PNPLA8: variants seen among roughly 807,000 people sequenced by gnomAD.
The protein encoded by PNPLA8 is calcium-independent phospholipase A2-gamma.
A neutral mutation model predicts 76.9 loss-of-function variants in PNPLA8; 39 were observed. The observed-to-expected ratio is 0.51, with a 90% CI of 0.39 to 0.66. The LOEUF (loss-of-function observed/expected upper bound fraction) is 0.66, where lower values mean the gene tolerates loss of function less well. Ranked by LOEUF, PNPLA8 falls within the 30% of genes least tolerant of loss-of-function variation. The pLI, the probability that PNPLA8 is intolerant of heterozygous loss-of-function variation, is 0.00. For missense variants in PNPLA8, 887 were observed against 918.0 expected, an observed-to-expected ratio of 0.97 and a Z score of 0.44; for synonymous variants, 301 against 307.9, an observed-to-expected ratio of 0.98 and a Z score of 0.24.
rs1357526727 is a variant in PNPLA8, at chr7:108,517,914, C to T, written c.-83-2340G>A. Among the ~76,000 whole-genome samples the T allele has an allele frequency of 2.0e-5, 3 of 152,206 alleles. No homozygotes were observed. The South Asian group carries it at 6.2e-4, about 32-fold the overall frequency. On this transcript the variant is annotated intron_variant, in intron 2 of 10. Transcript: ENST00000257694. Reference sequence around the variant, plus strand: ...TCAGCCTCCCAAGTAGCTGGGACTACAGGTACACATGCCTGGCTTAGGTAG... The same window carrying T: ...TCAGCCTCCCAAGTAGCTGGGACTATAGGTACACATGCCTGGCTTAGGTAG...
chr7:108,490,494 G>A (rs1190239316), intron 8 of PNPLA8, among the ~76,000 whole-genome samples: 1 of 152,114 alleles, frequency 6.6e-6, no homozygotes, highest in African/African-American at 2.4e-5. Flanking sequence ...AAAAATCTAG[G>A]GTAAGAAGGC....
Position 108,514,443 on chromosome 7 carries a change from C to A in PNPLA8, c.1049G>T (p.Arg350Leu), listed in dbSNP as rs539943926. The change falls in exon 3 of 11, where the codon CGA (arginine) becomes CTA (leucine). Residue 350 changes from arginine (R) to leucine (L), a missense_variant. Transcript: ENST00000257694. ...GCACACTGAACAACTTGCCTTTTCTCGCTGAAGAGATAAACGCTTTTTCTC... is the reference window on the plus strand; with the variant it reads ...GCACACTGAACAACTTGCCTTTTCTAGCTGAAGAGATAAACGCTTTTTCTC... ...AEEKKRLSLQ[R>L]EKIIARVSID... is the part of the protein sequence containing the mutation. 1.2e-6 allele frequency: 2 copies of A among 1,603,196 alleles called. No individual in the cohort carries two copies. Among genetic ancestry groups the A allele is most frequent in the South Asian group, 2.2e-5 (2 of 89,996 alleles).
intron 2 of PNPLA8, among the ~76,000 whole-genome samples, chr7:108,520,395 T>C (rs1239843964): frequency 6.6e-6 from 1 of 152,090 alleles, no homozygotes; most frequent in Non-Finnish European, 1.5e-5. Flanking sequence ...CTCATGGAGA[T>C]AGAGAGTAGA....
At chr7:108,520,528 G>T (rs1177541765) in intron 2 of PNPLA8, among the ~76,000 whole-genome samples, 1 of 152,088 alleles carries the variant, frequency 6.6e-6, no homozygotes, top group Non-Finnish European at 1.5e-5. Context: ...TATAGTATTT[G>T]AATAGTACAG....
intron 8 of PNPLA8, among the ~76,000 whole-genome samples, chr7:108,490,645 G>A (rs192975823): frequency 0.021 from 3,137 of 152,128 alleles, 43 homozygotes; most frequent in African/African-American, 0.028. Context: ...TTAGCCGGGC[G>A]TGGTGGCGGC....
At chr7:108,476,676 T>C (rs1388928980) in intron 10 of PNPLA8, among the ~76,000 whole-genome samples, 1 of 152,200 alleles carries the variant, frequency 6.6e-6, no homozygotes, top group Non-Finnish European at 1.5e-5. Context: ...TTGAAGGGAT[T>C]GCTGCTCACC....
chr7:108,522,313 G>GA (rs575678172), intron 1 of PNPLA8, among the ~76,000 whole-genome samples: 6,031 of 138,118 alleles, frequency 0.044, 384 homozygotes, highest in African/African-American at 0.15. Flanking sequence ...AACAAAAAAA[G>GA]AAAAAAAAAA....
In PNPLA8 at chr7:108,515,520, A is replaced by T; in HGVS notation, c.-29T>A. 1 of 1,367,264 alleles carries T rather than the reference A, an allele frequency of 7.3e-7. No homozygotes were observed. Among genetic ancestry groups the T allele is most frequent in the Non-Finnish European group, 9.5e-7 (1 of 1,054,390 alleles). The allele number at this position is 1,367,264 out of a possible 1,614,324, so 84.7% of individuals were successfully genotyped here. A position where few individuals can be genotyped will look rare whatever the true frequency, so the allele number is the denominator to read the frequency against. ...TTAAAAATCATTTATTTTCTATGAC[A>T]TTCTCTCACTTCTTGAACGCTTCAT... On this transcript the variant is annotated 5_prime_UTR_variant, in exon 3 of 11. An upstream start codon of the reference 5' UTR is lost. Transcript: ENST00000257694.
upstream of PNPLA8, chr7:108,526,150 G>A (rs1864067645): frequency 1.1e-6 from 1 of 930,088 alleles, no homozygotes; most frequent in Admixed American, 6.2e-5. Context: ...CAGCAGCTAG[G>A]TCGCCACCCA....
chr7:108,504,176 G>A (rs1862164490), intron 4 of PNPLA8, among the ~76,000 whole-genome samples: 1 of 151,976 alleles, frequency 6.6e-6, no homozygotes, highest in Non-Finnish European at 1.5e-5. Flanking sequence ...CCAAACAGAA[G>A]AACAAATAAA....
At chr7:108,484,013 G>C (rs1324361120) in intron 9 of PNPLA8, among the ~76,000 whole-genome samples, 2 of 152,016 alleles carry the variant, frequency 1.3e-5, no homozygotes, top group Admixed American at 1.3e-4. Context: ...TATTTTAGAT[G>C]AAACACATTT....
intron 7 of PNPLA8, among the ~76,000 whole-genome samples, chr7:108,496,027 T>C (rs1007662807): frequency 1.3e-5 from 2 of 152,130 alleles, no homozygotes; most frequent in African/African-American, 4.8e-5. Context: ...GGCCAATCAC[T>C]TGAGGTTAGG....
rs910011662 is a variant in PNPLA8 at position 108,471,207 on chromosome 7, C to G, written c.*1194G>C. 6.8e-6 allele frequency: 1 copy of G among 146,548 alleles called. No individual in the cohort carries two copies. Among genetic ancestry groups the G allele is most frequent in the Non-Finnish European group, 1.5e-5 (1 of 67,308 alleles). 9.1% of individuals were successfully genotyped at this position (146,548 alleles called of 1,614,324 possible). ...AGTTAATAAGGTAAAACAAGCCTAACTTCTTCTTTTTTTTTTTTTTTTTTT... is the reference window on the plus strand; with the variant it reads ...AGTTAATAAGGTAAAACAAGCCTAAGTTCTTCTTTTTTTTTTTTTTTTTTT... On this transcript the variant is annotated 3_prime_UTR_variant, in exon 11 of 11. Transcript: ENST00000257694.
At chr7:108,478,303 A>C (rs1004246932) in intron 10 of PNPLA8, among the ~76,000 whole-genome samples, 11 of 152,192 alleles carry the variant, frequency 7.2e-5, no homozygotes, top group African/African-American at 2.4e-4. Flanking sequence ...TTTGGTGACC[A>C]CCAAGAATTA....
At position 108,514,133 on chromosome 7, in the gene PNPLA8, T is replaced by C. The variant is rs373925062; in HGVS notation, c.1206+11A>G. On this transcript the variant is annotated intron_variant, in intron 4 of 10. Coordinates refer to ENST00000257694, the MANE Select transcript of PNPLA8 (RefSeq NM_001256007.3). Reference sequence around the variant, plus strand: ...CCAAGACAAAACTAGATTAAATAAATTAGAAATTACCTTGACAGCCACTCC... The same window carrying C: ...CCAAGACAAAACTAGATTAAATAAACTAGAAATTACCTTGACAGCCACTCC... The C allele has an allele frequency of 1.0e-5, 16 of 1,570,676 alleles. No homozygotes were observed. In the African/African-American group the frequency reaches 2.1e-4, roughly 20 times the overall value.
At chr7:108,481,518 T>A (rs889096608) in intron 9 of PNPLA8, among the ~76,000 whole-genome samples, 1 of 152,214 alleles carries the variant, frequency 6.6e-6, no homozygotes, top group African/African-American at 2.4e-5. Flanking sequence ...TGCTGAAGTG[T>A]CTGTTCAAGT....
intron 4 of PNPLA8, among the ~76,000 whole-genome samples, chr7:108,512,414 A>C (rs1478499528): frequency 6.6e-6 from 1 of 152,140 alleles, no homozygotes; most frequent in Non-Finnish European, 1.5e-5. Context: ...ATGAAAGGAG[A>C]CCACCTTCAT....
intron 5 of PNPLA8, among the ~76,000 whole-genome samples, 186 bp downstream of exon 5, chr7:108,502,305 T>C (rs1399813076): frequency 6.6e-6 from 1 of 151,710 alleles, no homozygotes; most frequent in Non-Finnish European, 1.5e-5. Context: ...TAGCCGGGTA[T>C]GGTGGCGGGA....
chr7:108,510,204 G>A (rs1174258844), intron 4 of PNPLA8: 65 of 994,788 alleles, frequency 6.5e-5, no homozygotes, highest in Middle Eastern at 3.3e-4. Flanking sequence ...AAAGAAAACC[G>A]GTAACTAGCT....
Sources: gnomAD v4.1 joint callset for allele counts (sites outside exome capture counted in the v4.1 genomes callset) on GRCh38, gnomAD v4.1.1 for gene constraint, MANE v1.5 for transcripts, NCBI Gene and HGNC (gene_info 2026-07-23, HGNC 2026-07-21) for gene names.